The following HS3ST2 variants were observed in gnomAD, a reference collection of about 807,000 sequenced individuals.
HS3ST2 encodes the protein heparan sulfate-glucosamine 3-sulfotransferase 2.
A neutral mutation model predicts 26.3 loss-of-function variants in HS3ST2; 17 were observed. The ratio of observed to expected loss-of-function variants is 0.65; its 90% CI spans 0.44 to 0.97. The LOEUF is 0.97. Among genes scored for constraint, HS3ST2 ranks in the 50% least tolerant of loss-of-function variants. The probability of loss-of-function intolerance (pLI) is 0.00; values close to 1 mark genes in which losing one functional copy is unlikely to be tolerated. For synonymous variants in HS3ST2, 237 were observed against 219.2 expected (o/e 1.08, Z -0.72); for missense variants, 402 against 501.2 (o/e 0.80, Z 1.89).
At chr16:22,897,358 G>C (rs1169908470) in intron 1 of HS3ST2, among the ~76,000 whole-genome samples, 1 of 152,204 alleles carries the variant, frequency 6.6e-6, no homozygotes, top group African/African-American at 2.4e-5. Flanking sequence ...CTGGTGAAGA[G>C]TGGGTGCTCA....
At chr16:22,866,376 G>A (rs1423591335) in intron 1 of HS3ST2, among the ~76,000 whole-genome samples, 2 of 147,364 alleles carry the variant, frequency 1.4e-5, no homozygotes, top group Non-Finnish European at 3.0e-5. Context: ...GTGCGTGTGT[G>A]TGTGTGTGTG....
chr16:22,846,959 C>T (rs185701004), intron 1 of HS3ST2, among the ~76,000 whole-genome samples: 1 of 152,240 alleles, frequency 6.6e-6, no homozygotes, highest in Non-Finnish European at 1.5e-5. Flanking sequence ...GTGATGAATA[C>T]AAAACAACAG....
chr16:22,861,744 A>G (rs2141189514), intron 1 of HS3ST2, among the ~76,000 whole-genome samples: 1 of 152,266 alleles, frequency 6.6e-6, no homozygotes. Context: ...CTCATGTGAT[A>G]TGGCTGCTGC....
chr16:22,895,565 G>A (rs1902199692), intron 1 of HS3ST2, among the ~76,000 whole-genome samples: 1 of 152,000 alleles, frequency 6.6e-6, no homozygotes, highest in Admixed American at 6.6e-5. Flanking sequence ...TCCTGCCTCT[G>A]TATTCTGGGG....
intron 1 of HS3ST2, among the ~76,000 whole-genome samples, chr16:22,909,766 T>A (rs1233638544): frequency 6.6e-6 from 1 of 151,778 alleles, no homozygotes; most frequent in African/African-American, 2.4e-5. Flanking sequence ...GTGGGCCGAG[T>A]GCGGAGGCTC....
chr16:22,839,739 T>G (rs937956053), intron 1 of HS3ST2, among the ~76,000 whole-genome samples: 1 of 152,132 alleles, frequency 6.6e-6, no homozygotes, highest in Non-Finnish European at 1.5e-5. Flanking sequence ...CGTCTTACCC[T>G]CGTTTTGCTC....
chr16:22,828,214 C>T (rs1901118684), intron 1 of HS3ST2, among the ~76,000 whole-genome samples: 2 of 152,176 alleles, frequency 1.3e-5, no homozygotes, highest in Admixed American at 6.5e-5. Context: ...ATGGCAGATT[C>T]CTCATTTCTA....
chr16:22,892,424 A>G (rs1902143442), intron 1 of HS3ST2, among the ~76,000 whole-genome samples: 2 of 152,204 alleles, frequency 1.3e-5, no homozygotes, highest in South Asian at 2.1e-4. Context: ...TACACAGACC[A>G]GTTATTGTGC....
rs746742462 is a variant in HS3ST2, at chr16:22,914,965, C to G, written c.507C>G (p.Leu169=). ...ACAGGAGCCTGATGCCCAGGACCCTCGAGAGCCAGATCACGCTGGAGAAGA... is the reference window on the plus strand; with the variant it reads ...ACAGGAGCCTGATGCCCAGGACCCTGGAGAGCCAGATCACGCTGGAGAAGA... ...DWYRSLMPRT[L]ESQITLEKTP... Residue 169 remains leucine (L), a synonymous_variant, in exon 2 of 2, where the codon CTC becomes CTG. Transcript: ENST00000261374. 1.2e-5 allele frequency: 19 copies of G among 1,612,656 alleles called. No individual in the cohort carries two copies. The highest frequency in any genetic ancestry group is 6.7e-5 in the Admixed American group (4 of 59,984).
intron 1 of HS3ST2, among the ~76,000 whole-genome samples, chr16:22,909,376 G>T (rs1369685881): frequency 6.6e-6 from 1 of 152,192 alleles, no homozygotes; most frequent in Non-Finnish European, 1.5e-5. Context: ...AGCTTAAAAG[G>T]GTTGCAGGGT....
At chr16:22,893,634 C>CTTTTTTTTTTTTTTTTTTATTTT (rs56664558) in intron 1 of HS3ST2, among the ~76,000 whole-genome samples, 1 of 130,278 alleles carries the variant, frequency 7.7e-6, no homozygotes, top group African/African-American at 2.9e-5. Context: ...TTTTTCTTTT[C>CTTTTTTTTTTTTTTTTTTATTTT]TTTTTTTTTT....
At chr16:22,867,211 C>A (rs2141191733) in intron 1 of HS3ST2, among the ~76,000 whole-genome samples, 1 of 152,262 alleles carries the variant, frequency 6.6e-6, no homozygotes, top group Non-Finnish European at 1.5e-5. Context: ...AGACAACTGG[C>A]TTGCCATTTG....
chr16:22,861,087 G>A (rs1228373497), intron 1 of HS3ST2, among the ~76,000 whole-genome samples: 1 of 152,080 alleles, frequency 6.6e-6, no homozygotes, highest in African/African-American at 2.4e-5. Context: ...ATGTTGCCCA[G>A]GCTGATCTTG....
chr16:22,830,555 C>T (rs2141178080), intron 1 of HS3ST2, among the ~76,000 whole-genome samples: 1 of 152,304 alleles, frequency 6.6e-6, no homozygotes, highest in South Asian at 2.1e-4. Flanking sequence ...TCAGAGATGA[C>T]ACAATTCTCT....
intron 1 of HS3ST2, among the ~76,000 whole-genome samples, chr16:22,846,952 A>G (rs1365572042): frequency 2.0e-5 from 3 of 152,220 alleles, no homozygotes; most frequent in Non-Finnish European, 4.4e-5. Flanking sequence ...AGTAAATGTG[A>G]TGAATACAAA....
intron 1 of HS3ST2, among the ~76,000 whole-genome samples, chr16:22,863,453 T>C (rs1901706881): frequency 6.6e-6 from 1 of 152,222 alleles, no homozygotes; most frequent in Admixed American, 6.5e-5. Flanking sequence ...TTATTTTAGA[T>C]TCAGGAGGTG....
intron 1 of HS3ST2, among the ~76,000 whole-genome samples, chr16:22,872,529 C>G (rs112321867): frequency 1.3e-5 from 2 of 152,174 alleles, no homozygotes; most frequent in African/African-American, 2.4e-5. Flanking sequence ...AACACTGGAC[C>G]TGTATTCCTG....
At chr16:22,914,763 A>AAAAGAG (rs1489223344) in intron 1 of HS3ST2, among the ~76,000 whole-genome samples, 181 bp from the exon 2 acceptor site, 15 of 118,690 alleles carry the variant, frequency 1.3e-4, no homozygotes, top group Admixed American at 4.1e-4. Flanking sequence ...AAAAAAAAAA[A>AAAAGAG]AGAGAAGAAA....
At chr16:22,883,129 A>T (rs1284577400) in intron 1 of HS3ST2, among the ~76,000 whole-genome samples, 1 of 152,164 alleles carries the variant, frequency 6.6e-6, no homozygotes, top group Non-Finnish European at 1.5e-5. Context: ...TGCTTGCAGA[A>T]TATTATAAAG....
Sources: gnomAD v4.1 joint callset for allele counts (sites outside exome capture counted in the v4.1 genomes callset) on GRCh38, gnomAD v4.1.1 for gene constraint, MANE v1.5 for transcripts, NCBI Gene and HGNC (gene_info 2026-07-23, HGNC 2026-07-21) for gene names.